The following MPZL1 variants were observed in gnomAD, a reference collection of about 807,000 sequenced individuals.
MPZL1 encodes the protein myelin protein zero like 1, also known as myelin protein zero-like protein 1.
Under a neutral mutation model 29.3 loss-of-function variants are expected in MPZL1, and 16 were observed. That is an observed-to-expected ratio of 0.55 (90% CI 0.37 to 0.83). The LOEUF is 0.83. MPZL1 is among the 40% of genes least tolerant of loss of function. MPZL1 has a pLI of 0.00. For missense variants in MPZL1, 279 were observed against 332.9 expected (o/e 0.84, Z 1.26); for synonymous variants, 143 against 132.0 (o/e 1.08, Z -0.57).
At chr1:167,778,831 G>A (rs1310144790) in intron 5 of MPZL1, among the ~76,000 whole-genome samples, 2 of 150,976 alleles carry the variant, frequency 1.3e-5, no homozygotes, top group African/African-American at 4.9e-5. Flanking sequence ...ATTAGATACT[G>A]CAAAAAAAAA....
At chr1:167,785,062 A>G (rs375279755) in intron 5 of MPZL1, among the ~76,000 whole-genome samples, 4 of 152,162 alleles carry the variant, frequency 2.6e-5, no homozygotes, top group East Asian at 1.9e-4. Flanking sequence ...TAATATATCA[A>G]TTATCTACTG....
chr1:167,751,827 C>T (rs772753959), intron 1 of MPZL1, among the ~76,000 whole-genome samples: 10 of 152,138 alleles, frequency 6.6e-5, no homozygotes, highest in Non-Finnish European at 1.5e-4. Context: ...ATGAGTCACT[C>T]ATGGAAATTT....
intron 1 of MPZL1, among the ~76,000 whole-genome samples, chr1:167,723,232 A>G (rs1660076443): frequency 6.6e-6 from 1 of 152,250 alleles, no homozygotes; most frequent in South Asian, 2.1e-4. Context: ...TCAAAATGTC[A>G]GTTATGATTT....
chr1:167,777,698 CT>C (rs531820600), intron 5 of MPZL1, among the ~76,000 whole-genome samples: 20 of 152,314 alleles, frequency 1.3e-4, no homozygotes, highest in African/African-American at 4.8e-4. Flanking sequence ...AGGGGAAGAA[CT>C]ACCTGAAATG....
Position 167,722,091 on chromosome 1 carries a change from C to A in MPZL1, c.-61C>A. ...AGCCTCTTCCCCAAGCCGAGCCAAC[C>A]TCAGCGGGGACCCGGGCTCAGGGAC... is the stretch of plus-strand genomic sequence containing the variant. On this transcript the variant is annotated 5_prime_UTR_variant, in exon 1 of 6. Transcript: ENST00000359523. 1 of 1,232,106 alleles carries A rather than the reference C, an allele frequency of 8.1e-7. No homozygotes were observed. The highest frequency in any genetic ancestry group is 3.2e-5 in the East Asian group (1 of 31,680). The allele number at this position is 1,232,106 out of a possible 1,614,324, so 76.3% of individuals were successfully genotyped here.
chr1:167,744,457 G>A (rs1241596126), intron 1 of MPZL1, among the ~76,000 whole-genome samples: 3 of 152,072 alleles, frequency 2.0e-5, no homozygotes, highest in Non-Finnish European at 2.9e-5. Flanking sequence ...GCCAAGACGG[G>A]TGGATCACCT....
chr1:167,754,889 A>G (rs1278397305), intron 1 of MPZL1, among the ~76,000 whole-genome samples: 13 of 152,196 alleles, frequency 8.5e-5, no homozygotes, highest in Non-Finnish European at 5.9e-5. Flanking sequence ...TGTTTAGAGC[A>G]GTTATGGTTT....
chr1:167,788,485 GAAGTTTTTCTCAC>G lies in MPZL1; in HGVS notation c.*565_*577del, dbSNP rs1661636089. On this transcript the variant is annotated 3_prime_UTR_variant, in exon 6 of 6. Transcript: ENST00000359523. Reference sequence around the variant, plus strand: ...TGAAAACAATTTGAGAAGTTTTTTTGAAGTTTTTCTCACTAAAATATGGGGCAATTGTTAGCCT... The same window carrying G: ...TGAAAACAATTTGAGAAGTTTTTTTGTAAAATATGGGGCAATTGTTAGCCT... 1 of 152,312 alleles carries G rather than the reference GAAGTTTTTCTCAC, an allele frequency of 6.6e-6. No individual in the cohort carries two copies. Among genetic ancestry groups the G allele is most frequent in the Non-Finnish European group, 1.5e-5 (1 of 68,096 alleles). The allele number at this position is 152,312 out of a possible 1,614,324, so 9.4% of individuals were successfully genotyped here.
chr1:167,785,415 T>C (rs1441411914), intron 5 of MPZL1, among the ~76,000 whole-genome samples: 13 of 152,232 alleles, frequency 8.5e-5, no homozygotes, highest in Non-Finnish European at 5.9e-5. Context: ...CAAGGTCTGT[T>C]GAGGTCTGGG....
At chr1:167,771,693 G>A (rs954542502) in intron 2 of MPZL1, among the ~76,000 whole-genome samples, 7 of 152,102 alleles carry the variant, frequency 4.6e-5, no homozygotes, top group Admixed American at 3.9e-4. Flanking sequence ...GGGCGGCCAG[G>A]CAGAGACGCT....
intron 1 of MPZL1, among the ~76,000 whole-genome samples, chr1:167,740,707 G>C (rs981195694): frequency 3.3e-5 from 5 of 152,076 alleles, no homozygotes; most frequent in African/African-American, 1.2e-4. Flanking sequence ...ATACAATTCA[G>C]ACCTCTCTGA....
chr1:167,757,160 G>A (rs1660886397), intron 1 of MPZL1, among the ~76,000 whole-genome samples: 1 of 152,186 alleles, frequency 6.6e-6, no homozygotes, highest in Non-Finnish European at 1.5e-5. Context: ...CACTTCAGCT[G>A]CAGGGTGGCC....
chr1:167,769,864 G>A (rs983769183), intron 2 of MPZL1, among the ~76,000 whole-genome samples: 3 of 152,304 alleles, frequency 2.0e-5, no homozygotes, highest in African/African-American at 4.8e-5. Context: ...AGTGGGAACC[G>A]AATAGAGAGA....
chr1:167,753,239 C>T (rs1022023544), intron 1 of MPZL1, among the ~76,000 whole-genome samples: 4 of 152,110 alleles, frequency 2.6e-5, no homozygotes, highest in South Asian at 4.1e-4. Context: ...AAGCTGGCTG[C>T]GTGGCATGTT....
chr1:167,728,999 C>T (rs1323002420), intron 1 of MPZL1, among the ~76,000 whole-genome samples: 1 of 152,058 alleles, frequency 6.6e-6, no homozygotes, highest in Admixed American at 6.6e-5. Context: ...GGCATGGTGA[C>T]TCATGCCTGT....
intron 2 of MPZL1, among the ~76,000 whole-genome samples, chr1:167,766,987 G>GC (rs56819989): frequency 0.18 from 27,577 of 151,908 alleles, 2,990 homozygotes; most frequent in East Asian, 0.36. Flanking sequence ...CTTAATCTCT[G>GC]CCCCCTTCCA....
At chr1:167,727,926 TGGTGCAACCTC>T (rs145976440) in intron 1 of MPZL1, among the ~76,000 whole-genome samples, 7,217 of 120,564 alleles carry the variant, frequency 0.06, 590 homozygotes, top group African/African-American at 0.2. Context: ...TGGAATGCAG[TGGTGCAACCTC>T]GGCTCACAGC....
intron 1 of MPZL1, among the ~76,000 whole-genome samples, chr1:167,764,745 C>T (rs911012119): frequency 6.6e-6 from 1 of 152,000 alleles, no homozygotes; most frequent in African/African-American, 2.4e-5. Context: ...ACCAAGAAGT[C>T]CTTCAGTAGG....
chr1:167,786,069 A>C (rs1243002979), intron 5 of MPZL1, among the ~76,000 whole-genome samples: 4 of 152,232 alleles, frequency 2.6e-5, no homozygotes, highest in Non-Finnish European at 5.9e-5. Context: ...CTGGGATTAC[A>C]GGCGTGAGCC....
Sources: gnomAD v4.1 joint callset for allele counts (sites outside exome capture counted in the v4.1 genomes callset) on GRCh38, gnomAD v4.1.1 for gene constraint, MANE v1.5 for transcripts, NCBI Gene and HGNC (gene_info 2026-07-23, HGNC 2026-07-21) for gene names.